Variants in DOCK2 observed in about 807,000 individuals in gnomAD.
The protein encoded by DOCK2 is dedicator of cytokinesis 2.
A neutral mutation model predicts 248.9 loss-of-function variants in DOCK2; 87 were observed. The ratio of observed to expected loss-of-function variants is 0.35; its 90% CI spans 0.29 to 0.42. The LOEUF is 0.42. Ranked by LOEUF, DOCK2 falls within the 10% of genes least tolerant of loss-of-function variation. DOCK2 has a pLI of 1.00. For missense variants in DOCK2, 1,747 were observed against 2,300.2 expected, an observed-to-expected ratio of 0.76 and a Z score of 4.92; for synonymous variants, 805 against 821.6, an observed-to-expected ratio of 0.98 and a Z score of 0.35.
chr5:170,070,682 A>G (rs1757650929), intron 46 of DOCK2, among the ~76,000 whole-genome samples: 1 of 152,186 alleles, frequency 6.6e-6, no homozygotes, highest in Non-Finnish European at 1.5e-5. Flanking sequence ...GAAGGCTAAC[A>G]TGTCATACAG....
intron 27 of DOCK2, among the ~76,000 whole-genome samples, chr5:169,903,825 C>T (rs1023539437): frequency 5.3e-5 from 8 of 151,830 alleles, no homozygotes; most frequent in East Asian, 1.9e-4. Flanking sequence ...AGAAACTGGG[C>T]GGAGTGGCTC....
At chr5:169,869,640 C>T (rs567903212) in intron 27 of DOCK2, among the ~76,000 whole-genome samples, 1 of 152,296 alleles carries the variant, frequency 6.6e-6, no homozygotes, top group East Asian at 1.9e-4. Context: ...TGCATTTCTA[C>T]TTCTTACTTA....
At chr5:169,664,540 G>GAGGTTTA (rs1474008159) in intron 2 of DOCK2, among the ~76,000 whole-genome samples, 1 of 152,216 alleles carries the variant, frequency 6.6e-6, no homozygotes, top group Non-Finnish European at 1.5e-5. Context: ...ATGAAGAAAA[G>GAGGTTTA]AGGTTTAATT....
chr5:169,839,984 AG>A (rs1294228763), intron 26 of DOCK2, among the ~76,000 whole-genome samples: 1 of 152,204 alleles, frequency 6.6e-6, no homozygotes, highest in Admixed American at 6.5e-5. Context: ...GAAGAAACCA[AG>A]GATTAGAAAA....
intron 27 of DOCK2, among the ~76,000 whole-genome samples, chr5:169,957,585 C>A (rs1281665914): frequency 6.6e-6 from 1 of 152,184 alleles, no homozygotes; most frequent in Non-Finnish European, 1.5e-5. Context: ...CCTCTTTCTA[C>A]TGCTAAACAG....
intron 34 of DOCK2, among the ~76,000 whole-genome samples, chr5:170,033,312 G>A (rs1452504545): frequency 6.6e-6 from 1 of 152,148 alleles, no homozygotes; most frequent in Non-Finnish European, 1.5e-5. Flanking sequence ...GATGCTTAAA[G>A]ATGTTACATT....
chr5:170,069,642 C>G (rs1270073009), intron 46 of DOCK2, among the ~76,000 whole-genome samples: 1 of 152,116 alleles, frequency 6.6e-6, no homozygotes, highest in African/African-American at 2.4e-5. Context: ...AGCTGACCCA[C>G]TTTGTTGCAA....
intron 15 of DOCK2, 44 bp downstream of exon 15, chr5:169,708,311 A>G (rs368504901): frequency 1.3e-6 from 2 of 1,568,182 alleles, no homozygotes; most frequent in African/African-American, 1.3e-5. Flanking sequence ...AGTTCTTACC[A>G]TGAACCAGGC....
rs75871632 is a variant in DOCK2 at position 169,908,975 on chromosome 5, G to A, written c.2799+68123G>A. Among the ~76,000 whole-genome samples the A allele has an allele frequency of 1.8e-3, 281 of 152,302 alleles. 1 individual carries two copies. Among genetic ancestry groups the A allele is most frequent in the Non-Finnish European group, 2.7e-3 (184 of 68,028 alleles). ...AATTATGTCCAAGGTCACAGAACTTGCCTCTGGCAGAGAGAGCCACTGTCT... is the reference window on the plus strand; with the variant it reads ...AATTATGTCCAAGGTCACAGAACTTACCTCTGGCAGAGAGAGCCACTGTCT... On this transcript the variant is annotated intron_variant, in intron 27 of 51. Transcript: ENST00000520908.
At chr5:169,816,431 A>T (rs1768073858) in intron 26 of DOCK2, among the ~76,000 whole-genome samples, 1 of 152,234 alleles carries the variant, frequency 6.6e-6, no homozygotes, top group African/African-American at 2.4e-5. Context: ...TAATTTCAGC[A>T]CAGTTTCTGC....
rs745592563 is a variant in DOCK2 at position 169,912,033 on chromosome 5, G to A, written c.2800-71035G>A. Among the ~76,000 whole-genome samples the A allele has an allele frequency of 2.7e-4, 41 of 152,116 alleles. 3 individuals are homozygous for A. The highest frequency in any genetic ancestry group is 1.4e-3 in the Admixed American group (21 of 15,286). On this transcript the variant is annotated intron_variant, in intron 27 of 51. Transcript: ENST00000520908. Reference sequence around the variant, plus strand: ...ACACTAGAGGGCATGGGCTAACTGCGTACCTATGCACATCAGGCTGTTGAA... The same window carrying A: ...ACACTAGAGGGCATGGGCTAACTGCATACCTATGCACATCAGGCTGTTGAA...
chr5:169,836,230 C>T (rs366022), intron 26 of DOCK2, among the ~76,000 whole-genome samples: 68,848 of 152,064 alleles, frequency 0.45, 16,300 homozygotes, highest in African/African-American at 0.6. Context: ...ATCAAAGTTT[C>T]ATTTAACTGG....
At chr5:170,017,036 A>G (rs1755561355) in intron 32 of DOCK2, among the ~76,000 whole-genome samples, 1 of 152,084 alleles carries the variant, frequency 6.6e-6, no homozygotes, top group Non-Finnish European at 1.5e-5. Flanking sequence ...TGACTCCACC[A>G]TTTCATTCTC....
intron 29 of DOCK2, among the ~76,000 whole-genome samples, chr5:169,994,150 A>G (rs1778277468): frequency 6.6e-6 from 1 of 152,220 alleles, no homozygotes; most frequent in African/African-American, 2.4e-5. Context: ...GATGCCTAAA[A>G]GTTACTCAAG....
At chr5:170,004,596 T>C (rs905362311) in intron 30 of DOCK2, among the ~76,000 whole-genome samples, 2 of 151,408 alleles carry the variant, frequency 1.3e-5, no homozygotes, top group Non-Finnish European at 2.9e-5. Context: ...TAAATCATGC[T>C]GCTATAAAGA....
At chr5:169,883,497 G>A in intron 27 of DOCK2, 5 of 1,551,660 alleles carry the variant, frequency 3.2e-6, no homozygotes, top group Non-Finnish European at 4.4e-6. Flanking sequence ...GGTTACCGTT[G>A]ACCTGGATGG....
chr5:169,807,680 A>C (rs1036084593), intron 26 of DOCK2, among the ~76,000 whole-genome samples: 3 of 151,658 alleles, frequency 2.0e-5, no homozygotes, highest in Non-Finnish European at 4.4e-5. Context: ...AAAAAATACA[A>C]AAAATTAGCT....
chr5:169,940,949 G>A (rs546268539), intron 27 of DOCK2, among the ~76,000 whole-genome samples: 1 of 152,140 alleles, frequency 6.6e-6, no homozygotes, highest in African/African-American at 2.4e-5. Context: ...ATAGAATGCC[G>A]ATAGTGCCAT....
At chr5:169,692,253 G>A (rs1005913590) in intron 9 of DOCK2, among the ~76,000 whole-genome samples, 1 of 152,204 alleles carries the variant, frequency 6.6e-6, no homozygotes, top group South Asian at 2.1e-4. Flanking sequence ...TTTTGGGGTG[G>A]TTGCTAACAC....
Sources: gnomAD v4.1 joint callset for allele counts (sites outside exome capture counted in the v4.1 genomes callset) on GRCh38, gnomAD v4.1.1 for gene constraint, MANE v1.5 for transcripts, NCBI Gene and HGNC (gene_info 2026-07-23, HGNC 2026-07-21) for gene names.